PDE6C: variants seen among roughly 807,000 people sequenced by gnomAD.
The protein encoded by PDE6C is cone cGMP-specific 3',5'-cyclic phosphodiesterase subunit alpha'.
In PDE6C, 75 loss-of-function variants were observed where a neutral mutation model predicts 113.1. The ratio of observed to expected loss-of-function variants is 0.66; its 90% CI spans 0.55 to 0.80. The LOEUF (loss-of-function observed/expected upper bound fraction) is 0.80, where lower values mean the gene tolerates loss of function less well. Ranked by LOEUF, PDE6C falls within the 30% of genes least tolerant of loss-of-function variation. PDE6C has a pLI of 0.00. For missense variants in PDE6C, 912 were observed against 1,038.6 expected (o/e 0.88, Z 1.67); for synonymous variants, 375 against 363.7 (o/e 1.03, Z -0.35).
intron 12 of PDE6C, 34 bp from the exon 13 acceptor site, chr10:93,640,416 A>G: frequency 6.6e-7 from 1 of 1,517,620 alleles, no homozygotes; most frequent in South Asian, 1.1e-5. Context: ...TTAGAATTCT[A>G]TTCCAAAGTC....
intron 11 of PDE6C, among the ~76,000 whole-genome samples, chr10:93,638,732 A>T (rs2058545534): frequency 6.6e-6 from 1 of 152,142 alleles, no homozygotes; most frequent in Non-Finnish European, 1.5e-5. Flanking sequence ...TTTCCCAGCT[A>T]CGTAATTATT....
chr10:93,621,987 A>G lies in PDE6C; in HGVS notation c.779A>G (p.Gln260Arg). 1 of 1,613,368 alleles carries G rather than the reference A, an allele frequency of 6.2e-7. No homozygotes were observed. The highest frequency in any genetic ancestry group is 8.5e-7 in the Non-Finnish European group (1 of 1,179,620). ...GAAGAACTCACAGATGTTGAGCGAC[A>G]GTTTCACAAAGCGCTCTACACGGTT... The part of the protein sequence containing the change: ...VFEELTDVER[Q>R]FHKALYTVRS... Residue 260 changes from glutamine to arginine, a missense_variant, in exon 4 of 22, where the codon CAG becomes CGG. By Grantham distance (43) the Gln-to-Arg change is conservative. Transcript: ENST00000371447.
intron 4 of PDE6C, among the ~76,000 whole-genome samples, chr10:93,623,714 A>C (rs1200056311): frequency 6.6e-6 from 1 of 152,202 alleles, no homozygotes; most frequent in African/African-American, 2.4e-5. Context: ...TGTTGAAAAG[A>C]CTATCCTTTG....
intron 15 of PDE6C, among the ~76,000 whole-genome samples, chr10:93,648,573 A>C (rs959235806): frequency 6.6e-6 from 1 of 152,206 alleles, no homozygotes; most frequent in African/African-American, 2.4e-5. Flanking sequence ...ATCTGTGGGC[A>C]TTACTCAGAC....
chr10:93,614,353 G>A (rs938169636), intron 1 of PDE6C, among the ~76,000 whole-genome samples: 5 of 152,122 alleles, frequency 3.3e-5, no homozygotes, highest in South Asian at 2.1e-4. Context: ...ACAGAACACC[G>A]CTCAGGTGCA....
rs777269711 is a variant in PDE6C at position 93,665,430 on chromosome 10, T to C, written c.*12T>C. 4.6e-6 allele frequency: 7 copies of C among 1,509,188 alleles called. No homozygotes were observed. Among genetic ancestry groups the C allele is most frequent in the Admixed American group, 3.3e-5 (2 of 59,874 alleles). 93.5% of individuals were successfully genotyped at this position (1,509,188 alleles called of 1,614,324 possible). A position where few individuals can be genotyped will look rare whatever the true frequency, so the allele number is the denominator to read the frequency against. ...GTTTAATGTTGTAATATTATCTAACTGGTCTAAACTTCAAATATCATTTTA... is the reference window on the plus strand; with the variant it reads ...GTTTAATGTTGTAATATTATCTAACCGGTCTAAACTTCAAATATCATTTTA... On this transcript the variant is annotated 3_prime_UTR_variant, in exon 22 of 22. Coordinates refer to ENST00000371447, the MANE Select transcript of PDE6C (RefSeq NM_006204.4).
In PDE6C at chr10:93,622,639, G is replaced by GTTTTTTT. The variant is rs67350128; in HGVS notation, c.864+571_864+577dup. On this transcript the variant is annotated intron_variant, in intron 4 of 21. Transcript: ENST00000371447. Reference sequence around the variant, plus strand: ...CCTTCCAAACTCCTGGTAGCCACAGGTTTTTTTTTTGTTTTTTTTTTTGTT... The same window carrying GTTTTTTT: ...CCTTCCAAACTCCTGGTAGCCACAGGTTTTTTTTTTTTTTTTTGTTTTTTTTTTTGTT... Among the ~76,000 whole-genome samples, 19 of 113,978 alleles carry GTTTTTTT rather than the reference G, an allele frequency of 1.7e-4. 1 individual carries two copies. Among genetic ancestry groups the GTTTTTTT allele is most frequent in the African/African-American group, 4.9e-4 (13 of 26,724 alleles). 74.8% of individuals were successfully genotyped at this position (113,978 alleles called of 152,430 possible). A position where few individuals can be genotyped will look rare whatever the true frequency, so the allele number is the denominator to read the frequency against.
At chr10:93,636,395 T>TGTGTGTGTGTGTG (rs1554890073) in intron 10 of PDE6C, among the ~76,000 whole-genome samples, 18 of 148,638 alleles carry the variant, frequency 1.2e-4, no homozygotes, top group Middle Eastern at 7.1e-3. Flanking sequence ...TGTGTGTGTG[T>TGTGTGTGTGTGTG]GTGTGTGTGT....
rs7893372 is a variant in PDE6C at position 93,642,942 on chromosome 10, G to A, written c.1847+1913G>A. Among the ~76,000 whole-genome samples, 388 of 152,226 alleles carry A rather than the reference G, an allele frequency of 2.5e-3. 2 individuals carry two copies. The highest frequency in any genetic ancestry group is 9.0e-3 in the African/African-American group (374 of 41,550). On this transcript the variant is annotated intron_variant, in intron 14 of 21. Transcript: ENST00000371447. ...AGGTTCCAGCCTACACTGGCCGCTC[G>A]CTCCTCCAGAATGCAAGTCCCCTGA...
chr10:93,640,605 T>C, intron 13 of PDE6C, 48 bp downstream of exon 13: 1 of 1,253,934 alleles, frequency 8.0e-7, no homozygotes, highest in Non-Finnish European at 1.2e-6. Flanking sequence ...GATTTCCCAT[T>C]TGAGCATGAT....
At chr10:93,635,188 C>T (rs1284351611) in intron 9 of PDE6C, among the ~76,000 whole-genome samples, 2 of 152,154 alleles carry the variant, frequency 1.3e-5, no homozygotes, top group Non-Finnish European at 2.9e-5. Context: ...CTCCTCCTTC[C>T]TGTTCCCTCT....
Position 93,640,936 on chromosome 10 carries a change from A to C in PDE6C, c.1754A>C (p.Lys585Thr). Residue 585 changes from lysine (K) to threonine (T), a missense_variant, in exon 14 of 22, where the codon AAG becomes ACG. Transcript: ENST00000371447. ...FTLLMTGRLK[K>T]YYTDLEAFAM... ...TTTTTTTAGACAGGAAGATTAAAGA[A>C]GTACTACACAGATCTCGAAGCCTTT... The C allele has an allele frequency of 6.2e-7, 1 of 1,606,540 alleles. No individual in the cohort carries two copies. Among genetic ancestry groups the C allele is most frequent in the Non-Finnish European group, 8.5e-7 (1 of 1,173,116 alleles).
rs115929114 is a variant in PDE6C, at chr10:93,615,095, C to A, written c.480+1890C>A. The stretch of plus-strand genomic sequence containing the variant: ...TGGCTTAAGCCCAGGAGTTCGAGAC[C>A]AGGCTGGCCAACATGGGAAACCCCC... On this transcript the variant is annotated intron_variant, in intron 1 of 21. Coordinates refer to ENST00000371447, the MANE Select transcript of PDE6C (RefSeq NM_006204.4). Among the ~76,000 whole-genome samples, 995 of 152,256 alleles carry A rather than the reference C, an allele frequency of 6.5e-3. 11 individuals are homozygous for A. Among genetic ancestry groups the A allele is most frequent in the African/African-American group, 0.023 (952 of 41,536 alleles).
chr10:93,631,786 T>G (rs1434726126), intron 8 of PDE6C, among the ~76,000 whole-genome samples: 2 of 152,184 alleles, frequency 1.3e-5, no homozygotes, highest in African/African-American at 4.8e-5. Flanking sequence ...AAGCCAATGA[T>G]ATAAAAAGAA....
At chr10:93,622,639 GTTT>G (rs67350128) in intron 4 of PDE6C, among the ~76,000 whole-genome samples, 1 of 113,992 alleles carries the variant, frequency 8.8e-6, no homozygotes. Flanking sequence ...GTAGCCACAG[GTTT>G]TTTTTTTGTT....
Position 93,612,774 on chromosome 10 carries a change from C to T in PDE6C, c.49C>T (p.Pro17Ser). 6.2e-7 allele frequency: 1 copy of T among 1,614,106 alleles called. No homozygotes were observed. Among genetic ancestry groups the T allele is most frequent in the South Asian group, 1.1e-5 (1 of 91,074 alleles). The change falls in exon 1 of 22, where the codon CCT (proline) becomes TCT (serine). Residue 17 changes from proline (P) to serine (S), a missense_variant. By Grantham distance (74) the Pro-to-Ser change is moderately conservative (BLOSUM62 -1). Coordinates refer to ENST00000371447, the MANE Select transcript of PDE6C (RefSeq NM_006204.4). The stretch of plus-strand genomic sequence containing the variant: ...CGTGGAGAAATACCTGGAGGAGAAC[C>T]CTCAGTTTGCCAAGGAGTACTTTGA... ...VAVEKYLEENPQFAKEYFDRK... is the reference protein window; with the variant it reads ...VAVEKYLEENSQFAKEYFDRK...
chr10:93,640,609 G>A, intron 13 of PDE6C, 52 bp downstream of exon 13: 2 of 1,233,526 alleles, frequency 1.6e-6, no homozygotes, highest in Non-Finnish European at 2.4e-6. Context: ...TCCCATTTGA[G>A]CATGATGAGA....
At chr10:93,621,846 G>A in intron 3 of PDE6C, 86 bp from the exon 4 acceptor site, 4 of 1,200,210 alleles carry the variant, frequency 3.3e-6, no homozygotes, top group Non-Finnish European at 4.9e-6. Context: ...TTTATTTGAT[G>A]CACCTCATGT....
At chr10:93,657,818 CTACAT>C (rs1175858985) in intron 16 of PDE6C, among the ~76,000 whole-genome samples, 1 of 151,986 alleles carries the variant, frequency 6.6e-6, no homozygotes, top group Non-Finnish European at 1.5e-5. Context: ...CAATTTCATG[CTACAT>C]TACAAAACTG....
Sources: gnomAD v4.1 joint callset for allele counts (sites outside exome capture counted in the v4.1 genomes callset) on GRCh38, gnomAD v4.1.1 for gene constraint, MANE v1.5 for transcripts, NCBI Gene and HGNC (gene_info 2026-07-23, HGNC 2026-07-21) for gene names.